ARHGAP8: variants seen among roughly 807,000 people sequenced by gnomAD.
ARHGAP8 encodes rho GTPase-activating protein 8.
In ARHGAP8, 62 loss-of-function variants were observed where a neutral mutation model predicts 46.1. That is an observed-to-expected ratio of 1.34 (90% CI 1.10 to 1.66). The LOEUF (loss-of-function observed/expected upper bound fraction) is 1.66, where lower values mean the gene tolerates loss of function less well. ARHGAP8 is among the 40% of genes most tolerant of loss of function. The pLI is 0.00. For missense variants in ARHGAP8, 923 were observed against 568.4 expected (o/e 1.62, Z -6.34); for synonymous variants, 375 against 243.1 (o/e 1.54, Z -5.05).
At chr22:44,836,553 C>T (rs1477517775) in intron 7 of ARHGAP8, among the ~76,000 whole-genome samples, 1 of 106,826 alleles carries the variant, frequency 9.4e-6, no homozygotes, top group Non-Finnish European at 2.1e-5. Context: ...ACAGTAGGTC[C>T]TCAGTACACA....
intron 11 of ARHGAP8, among the ~76,000 whole-genome samples, chr22:44,861,591 A>AC (rs1236188686): frequency 1.3e-5 from 2 of 151,802 alleles, no homozygotes; most frequent in Admixed American, 1.3e-4. Flanking sequence ...CCGCCTCATG[A>AC]CCCCTGTTTC....
intron 4 of ARHGAP8, among the ~76,000 whole-genome samples, chr22:44,813,279 TACAC>T (rs1283277223): frequency 6.6e-6 from 1 of 151,470 alleles, no homozygotes; most frequent in Admixed American, 6.6e-5. Context: ...CACCCCTACA[TACAC>T]ACATACACAC....
chr22:44,815,465 G>A (rs767447162), intron 5 of ARHGAP8, among the ~76,000 whole-genome samples: 2 of 151,642 alleles, frequency 1.3e-5, no homozygotes, highest in African/African-American at 4.9e-5. Flanking sequence ...CAAGGTTCCC[G>A]GTGGGCAAAG....
At chr22:44,752,769 A>G (rs1413990646) in intron 1 of ARHGAP8, 142 bp downstream of exon 1, 2 of 151,452 alleles carry the variant, frequency 1.3e-5, no homozygotes, top group African/African-American at 2.4e-5. Flanking sequence ...GCGCGACGCC[A>G]CGTGCGGCCG....
At chr22:44,767,150 T>C (rs1255242375) in intron 1 of ARHGAP8, among the ~76,000 whole-genome samples, 8 of 152,212 alleles carry the variant, frequency 5.3e-5, no homozygotes, top group African/African-American at 1.9e-4. Flanking sequence ...GATTCTCTGA[T>C]AAGTGGGGAA....
chr22:44,860,122 A>T (rs2349857), intron 11 of ARHGAP8, among the ~76,000 whole-genome samples: 29,841 of 151,894 alleles, frequency 0.2, 3,552 homozygotes, highest in Admixed American at 0.25. Context: ...CTCTGCCCCC[A>T]TGTCATTTCC....
At chr22:44,767,750 G>A (rs944799401) in intron 1 of ARHGAP8, among the ~76,000 whole-genome samples, 2 of 151,164 alleles carry the variant, frequency 1.3e-5, no homozygotes, top group African/African-American at 2.4e-5. Flanking sequence ...GTGCGTGCCT[G>A]TAATCCCAGG....
At chr22:44,779,405 T>A (rs1300397019) in intron 1 of ARHGAP8, among the ~76,000 whole-genome samples, 1 of 151,752 alleles carries the variant, frequency 6.6e-6, no homozygotes, top group East Asian at 2.0e-4. Context: ...CCGGCCGGTG[T>A]CTGACTTTTT....
At chr22:44,853,086 G>A (rs1200340996) in intron 10 of ARHGAP8, among the ~76,000 whole-genome samples, 2 of 151,276 alleles carry the variant, frequency 1.3e-5, no homozygotes, top group Non-Finnish European at 2.9e-5. Flanking sequence ...ACAGGCATGA[G>A]CCACCGTGTC....
chr22:44,845,300 C>A lies in ARHGAP8; in HGVS notation c.628C>A (p.Pro210Thr), dbSNP rs1441390124. Residue 210 changes from proline (P) to threonine (T), a missense_variant, in exon 8 of 12, where the codon CCC (proline) becomes ACC (threonine). Coordinates refer to ENST00000356099, the MANE Select transcript of ARHGAP8 (RefSeq NM_181335.3). ...LKDKNQGELI[P>T]PVLRFTVTYL... is the part of the protein sequence containing the mutation. The stretch of plus-strand genomic sequence containing the variant: ...AGACAAAAATCAAGGCGAACTCATC[C>A]CCCCTGTGCTGAGGTTCACAGTGAC... 1.9e-6 allele frequency: 3 copies of A among 1,614,132 alleles called. No individual in the cohort carries two copies. The highest frequency in any genetic ancestry group is 2.5e-6 in the Non-Finnish European group (3 of 1,180,026).
At chr22:44,769,366 C>A (rs187075450) in intron 1 of ARHGAP8, among the ~76,000 whole-genome samples, 1 of 152,162 alleles carries the variant, frequency 6.6e-6, no homozygotes, top group Admixed American at 6.5e-5. Context: ...ATTAGTGTAG[C>A]TTTATAATAG....
At chr22:44,763,802 C>CTTTTTT (rs201584311) in intron 1 of ARHGAP8, among the ~76,000 whole-genome samples, 1 of 91,398 alleles carries the variant, frequency 1.1e-5, no homozygotes, top group Admixed American at 1.1e-4. Context: ...TTTTTCTTTT[C>CTTTTTT]TTTTTTTTTT....
intron 3 of ARHGAP8, among the ~76,000 whole-genome samples, chr22:44,802,410 C>T (rs1008472553): frequency 6.6e-6 from 1 of 152,158 alleles, no homozygotes; most frequent in African/African-American, 2.4e-5. Flanking sequence ...TTTAGCCACC[C>T]GAGCTGTGGG....
At chr22:44,760,229 G>A (rs551660053) in intron 1 of ARHGAP8, among the ~76,000 whole-genome samples, 84 of 152,162 alleles carry the variant, frequency 5.5e-4, no homozygotes, top group Non-Finnish European at 1.1e-3. Flanking sequence ...GGTAGTGAGG[G>A]TCTGTATTAA....
In ARHGAP8 at chr22:44,859,827, T is replaced by A; in HGVS notation, c.974T>A (p.Leu325Gln). The change falls in exon 11 of 12, where the codon CTG (leucine) becomes CAG (glutamine). Residue 325 changes from leucine (L) to glutamine (Q), a missense_variant. Coordinates refer to ENST00000356099, the MANE Select transcript of ARHGAP8 (RefSeq NM_181335.3). ...GTCCTCCGCTACCTCATGGGCTTCC[T>A]GCATGCGGTGAGTGGGGAAGGGGGG... ...YVVLRYLMGF[L>Q]HAVSRESIFN... 1 of 1,613,682 alleles carries A rather than the reference T, an allele frequency of 6.2e-7. No individual in the cohort carries two copies. Among genetic ancestry groups the A allele is most frequent in the Non-Finnish European group, 8.5e-7 (1 of 1,179,834 alleles).
chr22:44,784,982 A>C (rs377166707), intron 1 of ARHGAP8, among the ~76,000 whole-genome samples: 39 of 152,266 alleles, frequency 2.6e-4, no homozygotes, highest in African/African-American at 8.7e-4. Flanking sequence ...CCATTCCTGC[A>C]CAGAGTGGTG....
At chr22:44,803,019 C>A (rs1242844326) in intron 3 of ARHGAP8, among the ~76,000 whole-genome samples, 2 of 152,170 alleles carry the variant, frequency 1.3e-5, no homozygotes, top group Non-Finnish European at 2.9e-5. Flanking sequence ...GCCGCCACCA[C>A]TGGCTCAGCA....
chr22:44,754,108 CCA>C (rs1924472805), intron 1 of ARHGAP8, among the ~76,000 whole-genome samples: 1 of 152,022 alleles, frequency 6.6e-6, no homozygotes, highest in African/African-American at 2.4e-5. Context: ...CCTCAGGGGC[CCA>C]GAGTCTGGCT....
chr22:44,819,738 G>T (rs545861780), intron 5 of ARHGAP8, among the ~76,000 whole-genome samples: 1 of 152,202 alleles, frequency 6.6e-6, no homozygotes, highest in East Asian at 1.9e-4. Context: ...AATATCTTAC[G>T]CACCTTATGT....
Sources: allele counts gnomAD v4.1 joint callset (sites outside exome capture counted in the v4.1 genomes callset), GRCh38; gene constraint gnomAD v4.1.1; transcripts MANE v1.5; gene names NCBI Gene and HGNC (gene_info 2026-07-23, HGNC 2026-07-21).